Variants in FRMD4B observed in about 807,000 individuals in gnomAD.
FRMD4B encodes FERM domain-containing protein 4B.
In FRMD4B, 74 loss-of-function variants were observed where a neutral mutation model predicts 141.5. The observed-to-expected ratio is 0.52, with a 90% CI of 0.43 to 0.63. FRMD4B has a LOEUF of 0.63. FRMD4B is among the 30% of genes least tolerant of loss of function. FRMD4B has a pLI of 0.00. For synonymous variants in FRMD4B, 506 were observed against 467.9 expected, an observed-to-expected ratio of 1.08 and a Z score of -1.05; for missense variants, 1,366 against 1,253.4, an observed-to-expected ratio of 1.09 and a Z score of -1.36.
intron 18 of FRMD4B, among the ~76,000 whole-genome samples, chr3:69,189,594 TA>T (rs955931030): frequency 1.3e-5 from 2 of 152,158 alleles, no homozygotes; most frequent in Non-Finnish European, 2.9e-5. Context: ...TACTTCAAAA[TA>T]AAAAGTTAAG....
intron 22 of FRMD4B, among the ~76,000 whole-genome samples, chr3:69,172,674 TA>T (rs1429613826): frequency 1.3e-5 from 2 of 152,172 alleles, no homozygotes; most frequent in Non-Finnish European, 2.9e-5. Context: ...GGGTCAGGCA[TA>T]AATTGGAAGT....
chr3:69,535,826 C>T, intron 1 of FRMD4B: 1 of 473,268 alleles, frequency 2.1e-6, no homozygotes, highest in Non-Finnish European at 4.4e-6. Flanking sequence ...GGCCCCTGGG[C>T]AGCTGCCCCT....
rs1701579161 is a variant in FRMD4B at position 69,311,306 on chromosome 3, G to A, written c.280C>T (p.Leu94=). 3.1e-6 allele frequency: 5 copies of A among 1,597,950 alleles called. No homozygotes were observed. Among genetic ancestry groups the A allele is most frequent in the Non-Finnish European group, 4.3e-6 (5 of 1,165,892 alleles). ...ATTCCAAAATACTCCTTTTCTTTCA[G>A]GTTGAAATGTGAAGCCACTAGGTCC... The part of the protein sequence containing the change: ...LLDLVASHFN[L]KEKEYFGITF... The change falls in exon 3 of 23, where the codon CTG becomes TTG. Residue 94 remains leucine, a synonymous_variant. Transcript: ENST00000398540.
chr3:69,344,438 A>C (rs774722081), intron 1 of FRMD4B, among the ~76,000 whole-genome samples: 49 of 152,236 alleles, frequency 3.2e-4, no homozygotes, highest in Non-Finnish European at 1.0e-4. Context: ...ATATTTGGGT[A>C]ATAGGGAAGT....
chr3:69,249,735 G>A (rs1485251553), intron 6 of FRMD4B, among the ~76,000 whole-genome samples: 1 of 152,148 alleles, frequency 6.6e-6, no homozygotes, highest in Non-Finnish European at 1.5e-5. Flanking sequence ...GAAAATTACA[G>A]CTGTTGTAAC....
At chr3:69,179,335 A>G (rs1196290851) in intron 21 of FRMD4B, among the ~76,000 whole-genome samples, 2 of 152,120 alleles carry the variant, frequency 1.3e-5, no homozygotes, top group Non-Finnish European at 1.5e-5. Context: ...GACCATCCAC[A>G]TGCATCTCAG....
chr3:69,411,203 G>T (rs1461476678), intron 2 of FRMD4B, among the ~76,000 whole-genome samples: 1 of 152,122 alleles, frequency 6.6e-6, no homozygotes, highest in African/African-American at 2.4e-5. Flanking sequence ...CTACATGGTG[G>T]CTACTAATTC....
intron 1 of FRMD4B, among the ~76,000 whole-genome samples, chr3:69,342,261 T>A (rs1435419120): frequency 6.6e-6 from 1 of 152,224 alleles, no homozygotes; most frequent in Non-Finnish European, 1.5e-5. Context: ...GAGTCTGCAA[T>A]GGACATACTG....
At chr3:69,176,446 T>C (rs2107574152) in intron 22 of FRMD4B, 78 bp downstream of exon 22, 1 of 1,235,934 alleles carries the variant, frequency 8.1e-7, no homozygotes, top group African/African-American at 1.5e-5. Context: ...CTAGATTATC[T>C]GACGTTTGTA....
chr3:69,406,161 C>T (rs541451349), intron 2 of FRMD4B, among the ~76,000 whole-genome samples: 3 of 152,308 alleles, frequency 2.0e-5, no homozygotes, highest in Admixed American at 6.5e-5. Flanking sequence ...CACAAAAACA[C>T]ATGAGGTGCC....
At chr3:69,454,985 A>G (rs1038048705) in intron 1 of FRMD4B, among the ~76,000 whole-genome samples, 4 of 152,200 alleles carry the variant, frequency 2.6e-5, no homozygotes, top group Non-Finnish European at 5.9e-5. Flanking sequence ...GTTCGTGGGT[A>G]CAACACTCAG....
chr3:69,526,544 T>A (rs1227108849), intron 1 of FRMD4B, among the ~76,000 whole-genome samples: 1 of 152,164 alleles, frequency 6.6e-6, no homozygotes, highest in Non-Finnish European at 1.5e-5. Context: ...GGCTCTGCAG[T>A]CAGAATGACC....
chr3:69,514,049 G>A (rs1452976035), intron 1 of FRMD4B, among the ~76,000 whole-genome samples: 1 of 152,080 alleles, frequency 6.6e-6, no homozygotes, highest in African/African-American at 2.4e-5. Flanking sequence ...GAAAGTCCAA[G>A]CCAGAGCAAT....
chr3:69,496,386 C>T (rs572275601), intron 1 of FRMD4B, among the ~76,000 whole-genome samples: 28 of 152,238 alleles, frequency 1.8e-4, no homozygotes, highest in Non-Finnish European at 3.8e-4. Context: ...CCAATCAAAA[C>T]ACTGAACCCT....
intron 2 of FRMD4B, among the ~76,000 whole-genome samples, chr3:69,413,701 C>T (rs1016977742): frequency 6.6e-6 from 1 of 152,126 alleles, no homozygotes; most frequent in African/African-American, 2.4e-5. Context: ...GACTTGATTG[C>T]CTCATTAATC....
intron 2 of FRMD4B, among the ~76,000 whole-genome samples, chr3:69,395,559 T>C (rs1704460084): frequency 1.3e-5 from 2 of 152,226 alleles, no homozygotes; most frequent in Non-Finnish European, 2.9e-5. Flanking sequence ...GTAGTATTGT[T>C]GCTAGGAATT....
At chr3:69,456,922 G>C (rs1282242296) in intron 1 of FRMD4B, among the ~76,000 whole-genome samples, 1 of 152,086 alleles carries the variant, frequency 6.6e-6, no homozygotes, top group African/African-American at 2.4e-5. Flanking sequence ...CACAGTCCAT[G>C]TTGCCCACAA....
At chr3:69,195,716 CA>C (rs2092897137) in intron 14 of FRMD4B, among the ~76,000 whole-genome samples, 1 of 626 alleles carries the variant, frequency 1.6e-3, no homozygotes, top group East Asian at 0.25. Flanking sequence ...AAAAAGTAAG[CA>C]AGCAAGCAAG....
At chr3:69,287,942 G>C in intron 4 of FRMD4B, 106 bp from the exon 5 acceptor site, 1 of 607,702 alleles carries the variant, frequency 1.6e-6, no homozygotes, top group Non-Finnish European at 2.9e-6. Flanking sequence ...GAAACCTGAG[G>C]AAGGTTGTGC....
Sources: gnomAD v4.1 joint callset for allele counts (sites outside exome capture counted in the v4.1 genomes callset) on GRCh38, gnomAD v4.1.1 for gene constraint, MANE v1.5 for transcripts, NCBI Gene and HGNC (gene_info 2026-07-23, HGNC 2026-07-21) for gene names.